MKLN1: variants seen among roughly 807,000 people sequenced by gnomAD.
MKLN1 encodes muskelin 1, also known as muskelin.
MKLN1 carries 18 observed loss-of-function variants against 99.0 expected under a neutral mutation model. The observed-to-expected ratio is 0.18, with a 90% CI of 0.13 to 0.27. MKLN1 has a LOEUF of 0.27. MKLN1 is among the 10% of genes least tolerant of loss of function. The probability of loss-of-function intolerance (pLI) is 1.00; values close to 1 mark genes in which losing one functional copy is unlikely to be tolerated. For synonymous variants in MKLN1, 288 were observed against 293.2 expected, an observed-to-expected ratio of 0.98 and a Z score of 0.18; for missense variants, 621 against 875.9, an observed-to-expected ratio of 0.71 and a Z score of 3.67.
chr7:131,248,942 A>G lies in MKLN1; in HGVS notation c.-179+45968A>G, dbSNP rs997062450. ...TTGATTTACTTACTTATCTATGAAC[A>G]CTGGTCACTTACCACTTTCCTCACC... On this transcript the variant is annotated intron_variant, in intron 3 of 7. Transcript: ENST00000416992. Among the ~76,000 whole-genome samples the G allele has an allele frequency of 5.3e-5, 8 of 152,308 alleles. 1 individual carries two copies.
chr7:131,287,128 A>C (rs1798143720), intron 3 of MKLN1, among the ~76,000 whole-genome samples: 1 of 149,322 alleles, frequency 6.7e-6, no homozygotes, highest in Non-Finnish European at 1.5e-5. Flanking sequence ...AAAAGTACCA[A>C]AGGGAATATA....
chr7:131,342,685 TA>T (rs1364181805), intron 1 of MKLN1, among the ~76,000 whole-genome samples: 1 of 152,224 alleles, frequency 6.6e-6, no homozygotes, highest in African/African-American at 2.4e-5. Flanking sequence ...ACTTCTAGTT[TA>T]ACAAAATAGT....
intron 3 of MKLN1, among the ~76,000 whole-genome samples, chr7:131,236,057 G>A (rs1046526055): frequency 6.6e-6 from 1 of 152,166 alleles, no homozygotes. Context: ...GGTGGATCCA[G>A]CCTCTTGGGT....
chr7:131,115,454 C>T (rs1795259953), intron 1 of MKLN1, among the ~76,000 whole-genome samples: 1 of 152,194 alleles, frequency 6.6e-6, no homozygotes, highest in Non-Finnish European at 1.5e-5. Context: ...TAATAGCTTT[C>T]TAAATGGTTT....
At chr7:131,446,016 T>G in intron 12 of MKLN1, 113 bp downstream of exon 12, 1 of 649,808 alleles carries the variant, frequency 1.5e-6, no homozygotes, top group East Asian at 3.0e-5. Context: ...TTTCTTTAAT[T>G]GAGTAATTCC....
At chr7:131,263,881 T>C (rs1410565407) in intron 3 of MKLN1, among the ~76,000 whole-genome samples, 1 of 152,168 alleles carries the variant, frequency 6.6e-6, no homozygotes, top group African/African-American at 2.4e-5. Flanking sequence ...GATTGCACTT[T>C]CAAGAAATGG....
intron 2 of MKLN1, among the ~76,000 whole-genome samples, chr7:131,190,809 T>C (rs1470020181): frequency 2.0e-5 from 3 of 152,110 alleles, no homozygotes; most frequent in African/African-American, 7.2e-5. Flanking sequence ...GAGAAATCTG[T>C]GTAGAGACTG....
Position 131,478,616 on chromosome 7 carries a change from T to TTTTAA in MKLN1, c.2032-7_2032-6insTTTAA, listed in dbSNP as rs1554374143. The TTTTAA allele has an allele frequency of 1.8e-5, 26 of 1,411,246 alleles. No homozygotes were observed. Among genetic ancestry groups the TTTTAA allele is most frequent in the South Asian group, 8.7e-5 (5 of 57,508 alleles). 87.4% of individuals were successfully genotyped at this position (1,411,246 alleles called of 1,614,324 possible). Reference sequence around the variant, plus strand: ...GCTTCTTTTTTTTTTTTTTTTTTTTTAAACAGTTTCAGCTCCTGGCATCAG... The same window carrying TTTTAA: ...GCTTCTTTTTTTTTTTTTTTTTTTTTTTTAAAAACAGTTTCAGCTCCTGGCATCAG... On this transcript the variant is annotated splice_region_variant and splice_polypyrimidine_tract_variant and intron_variant, in intron 16 of 17. Coordinates refer to ENST00000352689, the MANE Select transcript of MKLN1 (RefSeq NM_013255.5).
Position 131,479,790 on chromosome 7 carries a change from G to C in MKLN1, c.2086+1113G>C, listed in dbSNP as rs573972162. ...CGCAGTGAGCCGAGATTGCGCCACT[G>C]CACTCCAGCCTGGGCGACAGAGTGA... On this transcript the variant is annotated intron_variant, in intron 17 of 17. Coordinates refer to ENST00000352689, the MANE Select transcript of MKLN1 (RefSeq NM_013255.5). Among the ~76,000 whole-genome samples the C allele has an allele frequency of 2.0e-5, 3 of 151,746 alleles. No homozygotes were observed. In the South Asian group the frequency reaches 6.2e-4, roughly 32 times the overall value.
chr7:131,344,255 T>A (rs1799489803), intron 1 of MKLN1, among the ~76,000 whole-genome samples: 1 of 152,214 alleles, frequency 6.6e-6, no homozygotes, highest in African/African-American at 2.4e-5. Context: ...TAATAAATAC[T>A]ACTTTTAACT....
At chr7:131,255,735 C>T (rs1229872930) in intron 3 of MKLN1, among the ~76,000 whole-genome samples, 2 of 151,292 alleles carry the variant, frequency 1.3e-5, no homozygotes, top group Admixed American at 1.3e-4. Context: ...TGTGTGCCAC[C>T]ACATCTGACT....
At chr7:131,424,867 C>T (rs1795313253) in intron 8 of MKLN1, among the ~76,000 whole-genome samples, 1 of 152,208 alleles carries the variant, frequency 6.6e-6, no homozygotes, top group African/African-American at 2.4e-5. Flanking sequence ...TGCTACCCCT[C>T]TGCCTAAGAT....
At chr7:131,486,724 A>G (rs1330162914) in intron 17 of MKLN1, among the ~76,000 whole-genome samples, 1 of 152,146 alleles carries the variant, frequency 6.6e-6, no homozygotes, top group Non-Finnish European at 1.5e-5. Flanking sequence ...ATTTTATTTT[A>G]TCACTTAAAT....
chr7:131,281,689 C>CT (rs561561621), intron 3 of MKLN1, among the ~76,000 whole-genome samples: 8,393 of 145,318 alleles, frequency 0.058, 288 homozygotes, highest in Non-Finnish European at 0.078. Context: ...TATTTCTTTT[C>CT]TTTTTTTTTT....
intron 2 of MKLN1, among the ~76,000 whole-genome samples, chr7:131,184,076 C>T (rs887883683): frequency 5.9e-5 from 9 of 151,890 alleles, no homozygotes; most frequent in African/African-American, 2.2e-4. Context: ...TTGTTCTCTA[C>T]TCAGAGAGAC....
At chr7:131,478,846 T>A in intron 17 of MKLN1, 169 bp downstream of exon 17, 1 of 776,540 alleles carries the variant, frequency 1.3e-6, no homozygotes, top group Non-Finnish European at 2.2e-6. Flanking sequence ...AAGGTTGCTT[T>A]GAGGTATCAT....
intron 3 of MKLN1, among the ~76,000 whole-genome samples, chr7:131,233,725 T>G (rs897016375): frequency 2.0e-5 from 3 of 152,174 alleles, no homozygotes; most frequent in African/African-American, 7.2e-5. Context: ...TAATTGAGAC[T>G]TTTAAAAATC....
At chr7:131,298,107 T>C (rs1241324019) in intron 3 of MKLN1, among the ~76,000 whole-genome samples, 2 of 151,880 alleles carry the variant, frequency 1.3e-5, no homozygotes, top group Non-Finnish European at 2.9e-5. Flanking sequence ...CCGTCTCTAC[T>C]AAAAATACAA....
chr7:131,429,503 T>C (rs1199338094), intron 9 of MKLN1, among the ~76,000 whole-genome samples: 1 of 152,248 alleles, frequency 6.6e-6, no homozygotes, highest in African/African-American at 2.4e-5. Flanking sequence ...TTATTTCTTC[T>C]GGAATATTGT....
Sources: gnomAD v4.1 joint callset for allele counts (sites outside exome capture counted in the v4.1 genomes callset) on GRCh38, gnomAD v4.1.1 for gene constraint, MANE v1.5 for transcripts, NCBI Gene and HGNC (gene_info 2026-07-23, HGNC 2026-07-21) for gene names.